SERPINA12: variants seen among roughly 807,000 people sequenced by gnomAD.
SERPINA12 encodes serpin A12.
A neutral mutation model predicts 25.9 loss-of-function variants in SERPINA12; 21 were observed. The observed-to-expected ratio is 0.81, with a 90% CI of 0.58 to 1.17. The LOEUF (loss-of-function observed/expected upper bound fraction) is 1.17, where lower values mean the gene tolerates loss of function less well. Among genes scored for constraint, SERPINA12 ranks in the 50% most tolerant of loss-of-function variants. The probability of loss-of-function intolerance (pLI) is 0.00; values close to 1 mark genes in which losing one functional copy is unlikely to be tolerated. For synonymous variants in SERPINA12, 220 were observed against 196.0 expected (o/e 1.12, Z -1.02); for missense variants, 562 against 508.3 (o/e 1.11, Z -1.02).
At chr14:94,488,648 G>T (rs1294763249) in intron 4 of SERPINA12, among the ~76,000 whole-genome samples, 4 of 152,118 alleles carry the variant, frequency 2.6e-5, no homozygotes, top group Non-Finnish European at 5.9e-5. Flanking sequence ...ATTTAATTGG[G>T]TATCCTGTAT....
At chr14:94,500,810 C>T (rs1900685300) in intron 1 of SERPINA12, 4 of 978,320 alleles carry the variant, frequency 4.1e-6, no homozygotes, top group Non-Finnish European at 4.9e-6. Context: ...CCTCTGGACC[C>T]CCAGTGACGT....
At chr14:94,507,298 G>T (rs1453450329) in intron 1 of SERPINA12, among the ~76,000 whole-genome samples, 2 of 152,164 alleles carry the variant, frequency 1.3e-5, no homozygotes, top group Non-Finnish European at 2.9e-5. Context: ...ATTAATAGTA[G>T]ACAATCTTTG....
chr14:94,517,044 T>C (rs1035644137), intron 1 of SERPINA12, among the ~76,000 whole-genome samples: 3 of 152,204 alleles, frequency 2.0e-5, no homozygotes, highest in African/African-American at 7.2e-5. Context: ...TGACCATAAA[T>C]GTGAACGAAA....
upstream of SERPINA12, chr14:94,510,374 A>G (rs960013890): frequency 9.4e-6 from 5 of 529,722 alleles, no homozygotes; most frequent in Non-Finnish European, 9.7e-6. Context: ...CCATCAGGGA[A>G]ATGTAAATGA....
upstream of SERPINA12, among the ~76,000 whole-genome samples, chr14:94,513,340 A>G (rs781700739): frequency 3.3e-4 from 50 of 152,244 alleles, no homozygotes; most frequent in Non-Finnish European, 6.8e-4. Flanking sequence ...AATGGCTGAT[A>G]TCAGATATCT....
At chr14:94,504,521 G>A (rs540782661) in intron 1 of SERPINA12, among the ~76,000 whole-genome samples, 1 of 152,334 alleles carries the variant, frequency 6.6e-6, no homozygotes, top group East Asian at 1.9e-4. Context: ...TGATAACTGG[G>A]CTTCTTGGGG....
chr14:94,494,646 G>A (rs1182100490), intron 3 of SERPINA12, among the ~76,000 whole-genome samples: 1 of 152,168 alleles, frequency 6.6e-6, no homozygotes, highest in Non-Finnish European at 1.5e-5. Flanking sequence ...AGATTTGCAG[G>A]ACACCTGTCA....
intron 1 of SERPINA12, among the ~76,000 whole-genome samples, chr14:94,507,595 G>C (rs957856044): frequency 6.6e-6 from 1 of 152,164 alleles, no homozygotes; most frequent in African/African-American, 2.4e-5. Flanking sequence ...AGCTGAAAAG[G>C]TGCTCGACAT....
intron 1 of SERPINA12, among the ~76,000 whole-genome samples, chr14:94,500,416 C>G (rs1900666483): frequency 6.6e-6 from 1 of 152,098 alleles, no homozygotes; most frequent in African/African-American, 2.4e-5. Flanking sequence ...GGGACACAAG[C>G]CCCTCCCAGC....
At chr14:94,512,996 G>A (rs1013667121), upstream of SERPINA12, among the ~76,000 whole-genome samples, 1 of 152,202 alleles carries the variant, frequency 6.6e-6, no homozygotes, top group Admixed American at 6.5e-5. Context: ...TCCCCAGTGG[G>A]TTCTATTACC....
intron 1 of SERPINA12, among the ~76,000 whole-genome samples, chr14:94,507,778 TG>T (rs1900982940): frequency 6.6e-6 from 1 of 152,220 alleles, no homozygotes; most frequent in Non-Finnish European, 1.5e-5. Flanking sequence ...GAAAATTGCT[TG>T]GCAGGATCTA....
chr14:94,490,781 G>A (rs922351366), intron 3 of SERPINA12, among the ~76,000 whole-genome samples: 3 of 152,006 alleles, frequency 2.0e-5, no homozygotes, highest in Non-Finnish European at 4.4e-5. Context: ...TTGACAACCA[G>A]CCCCACGTCC....
intron 3 of SERPINA12, among the ~76,000 whole-genome samples, chr14:94,490,821 A>G (rs1900148199): frequency 6.6e-6 from 1 of 152,070 alleles, no homozygotes; most frequent in Non-Finnish European, 1.5e-5. Flanking sequence ...GCCGCACGTG[A>G]TGGTAATCCC....
intron 1 of SERPINA12, among the ~76,000 whole-genome samples, chr14:94,503,634 C>G (rs1900823379): frequency 6.6e-6 from 1 of 152,176 alleles, no homozygotes; most frequent in Admixed American, 6.5e-5. Flanking sequence ...GGAAATGAGG[C>G]CCAGAGTGGA....
intron 3 of SERPINA12, among the ~76,000 whole-genome samples, chr14:94,490,251 C>T (rs773751287): frequency 6.6e-6 from 1 of 152,180 alleles, no homozygotes; most frequent in Non-Finnish European, 1.5e-5. Flanking sequence ...AAAATGATCA[C>T]CGTCGCTCCT....
Position 94,489,610 on chromosome 14 carries a change from G to C in SERPINA12, c.1053+10C>G. The stretch of plus-strand genomic sequence containing the variant: ...CTGCAGGGAGTGGAGTCCAGGCTAG[G>C]CAGGCTTACCTCGCCCACTTTCAGG... On this transcript the variant is annotated intron_variant, in intron 4 of 4. Coordinates refer to ENST00000677451, the MANE Select transcript of SERPINA12 (RefSeq NM_001382267.1). The C allele has an allele frequency of 6.2e-7, 1 of 1,613,416 alleles. No individual in the cohort carries two copies. The highest frequency in any genetic ancestry group is 8.5e-7 in the Non-Finnish European group (1 of 1,179,668).
chr14:94,493,885 C>T (rs1900283874), intron 3 of SERPINA12, among the ~76,000 whole-genome samples: 1 of 152,178 alleles, frequency 6.6e-6, no homozygotes, highest in African/African-American at 2.4e-5. Context: ...GCCCAGGGAA[C>T]ATCTGTGTGG....
At chr14:94,501,732 C>T (rs1348027606) in intron 1 of SERPINA12, among the ~76,000 whole-genome samples, 3 of 150,308 alleles carry the variant, frequency 2.0e-5, no homozygotes, top group Admixed American at 2.0e-4. Flanking sequence ...AGCACCCTCC[C>T]ACCTCAGCAT....
intron 1 of SERPINA12, among the ~76,000 whole-genome samples, chr14:94,499,633 A>G (rs917053478): frequency 1.3e-5 from 2 of 152,312 alleles, no homozygotes; most frequent in African/African-American, 4.8e-5. Context: ...GCCTGTCCAC[A>G]GTAAAGGTTT....
Sources: allele counts gnomAD v4.1 joint callset (sites outside exome capture counted in the v4.1 genomes callset), GRCh38; gene constraint gnomAD v4.1.1; transcripts MANE v1.5; gene names NCBI Gene and HGNC (gene_info 2026-07-23, HGNC 2026-07-21).